ZBTB7C: variants seen among roughly 807,000 people sequenced by gnomAD.
ZBTB7C encodes the protein zinc finger and BTB domain containing 7C.
A neutral mutation model predicts 25.7 loss-of-function variants in ZBTB7C; 8 were observed. The observed-to-expected ratio is 0.31, with a 90% CI of 0.18 to 0.56. ZBTB7C has a LOEUF of 0.56. Ranked by LOEUF, ZBTB7C falls within the 20% of genes least tolerant of loss-of-function variation. ZBTB7C has a pLI of 0.91. For synonymous variants in ZBTB7C, 394 were observed against 369.0 expected (o/e 1.07, Z -0.78); for missense variants, 824 against 855.2 (o/e 0.96, Z 0.46).
intron 3 of ZBTB7C, among the ~76,000 whole-genome samples, chr18:48,081,960 C>T (rs1598843745): frequency 1.7e-5 from 2 of 117,596 alleles, no homozygotes; most frequent in South Asian, 5.3e-4. Context: ...AAATATATTG[C>T]AAAAATTAAT....
chr18:48,057,011 C>T (rs1283559684), intron 3 of ZBTB7C, among the ~76,000 whole-genome samples: 1 of 81,156 alleles, frequency 1.2e-5, no homozygotes, highest in Non-Finnish European at 2.3e-5. Flanking sequence ...CATGTGTCAC[C>T]AAATCAGGAA....
At chr18:48,179,073 G>T (rs1259204194) in intron 3 of ZBTB7C, among the ~76,000 whole-genome samples, 1 of 152,206 alleles carries the variant, frequency 6.6e-6, no homozygotes, top group African/African-American at 2.4e-5. Flanking sequence ...TTCCTTGGAT[G>T]CCCTCTGCTG....
At chr18:48,328,658 T>G (rs1334389725) in intron 2 of ZBTB7C, among the ~76,000 whole-genome samples, 1 of 152,094 alleles carries the variant, frequency 6.6e-6, no homozygotes, top group Middle Eastern at 3.2e-3. Flanking sequence ...CACAGTGAGT[T>G]CATGGCAAAG....
chr18:48,124,593 G>A (rs1009962121), intron 3 of ZBTB7C, among the ~76,000 whole-genome samples: 1 of 152,188 alleles, frequency 6.6e-6, no homozygotes, highest in Non-Finnish European at 1.5e-5. Context: ...CAGGGGTTTG[G>A]AGATGGTGGG....
chr18:48,129,465 T>C (rs945533774), intron 3 of ZBTB7C, among the ~76,000 whole-genome samples: 1 of 151,950 alleles, frequency 6.6e-6, no homozygotes, highest in African/African-American at 2.4e-5. Flanking sequence ...AGATCAGACC[T>C]GTTTCCTTTA....
chr18:48,374,809 T>C (rs2047477625), intron 1 of ZBTB7C, among the ~76,000 whole-genome samples: 1 of 152,174 alleles, frequency 6.6e-6, no homozygotes, highest in African/African-American at 2.4e-5. Flanking sequence ...TTTGGAAACA[T>C]GCCTTCCCTG....
chr18:48,134,583 G>C (rs2040090044), intron 3 of ZBTB7C, among the ~76,000 whole-genome samples: 1 of 152,226 alleles, frequency 6.6e-6, no homozygotes, highest in Non-Finnish European at 1.5e-5. Context: ...AGTCCTGTGA[G>C]TGTAGACAAG....
intron 2 of ZBTB7C, among the ~76,000 whole-genome samples, chr18:48,212,434 A>G (rs567565740): frequency 6.6e-6 from 1 of 152,176 alleles, no homozygotes; most frequent in Non-Finnish European, 1.5e-5. Flanking sequence ...GTCCAAACCT[A>G]TAGAATATAC....
At chr18:48,053,189 C>T (rs982019451) in intron 3 of ZBTB7C, among the ~76,000 whole-genome samples, 9 of 152,330 alleles carry the variant, frequency 5.9e-5, no homozygotes, top group African/African-American at 2.2e-4. Context: ...GAGGCAGCTT[C>T]CATGTCTGTC....
intron 1 of ZBTB7C, among the ~76,000 whole-genome samples, chr18:48,358,073 G>A (rs183501153): frequency 2.0e-5 from 3 of 152,298 alleles, no homozygotes; most frequent in East Asian, 1.9e-4. Context: ...GGTAGGGACC[G>A]GATGCAGTAG....
At chr18:48,238,731 C>A (rs1568323254) in intron 2 of ZBTB7C, among the ~76,000 whole-genome samples, 1 of 152,216 alleles carries the variant, frequency 6.6e-6, no homozygotes, top group African/African-American at 2.4e-5. Flanking sequence ...AAACTTCCAG[C>A]TGAACTTTTT....
intron 1 of ZBTB7C, among the ~76,000 whole-genome samples, chr18:48,389,211 TC>T: frequency 4.8e-5 from 6 of 125,822 alleles, no homozygotes; most frequent in African/African-American, 1.6e-4. Flanking sequence ...TCTCTCTCTC[TC>T]TCTCTCTCTC....
At chr18:48,073,059 C>T (rs2037613027) in intron 3 of ZBTB7C, among the ~76,000 whole-genome samples, 1 of 152,208 alleles carries the variant, frequency 6.6e-6, no homozygotes, top group South Asian at 2.1e-4. Flanking sequence ...CTGACAGGAA[C>T]CAATGTGGAA....
rs367738820 is a variant in ZBTB7C at position 48,162,285 on chromosome 18, G to C, written c.-17+23649C>G. Reference sequence around the variant, plus strand: ...CCACGGGGAGCTAAAGGAGGATCCAGCAACAGTGGAGGCAGGGACTCCACC... The same window carrying C: ...CCACGGGGAGCTAAAGGAGGATCCACCAACAGTGGAGGCAGGGACTCCACC... On this transcript the variant is annotated intron_variant, in intron 3 of 4. Coordinates refer to ENST00000590800, the MANE Select transcript of ZBTB7C (RefSeq NM_001318841.2). 408 of 445,622 alleles carry C rather than the reference G, an allele frequency of 9.2e-4. 9 individuals carry two copies. Among genetic ancestry groups the C allele is most frequent in the South Asian group, 6.3e-3 (402 of 64,058 alleles). The allele number at this position is 445,622 out of a possible 1,614,324, so 27.6% of individuals were successfully genotyped here.
At chr18:48,041,579 T>C in intron 3 of ZBTB7C, 1 of 982,236 alleles carries the variant, frequency 1.0e-6, no homozygotes, top group South Asian at 4.7e-5. Context: ...AATCCTCTGA[T>C]TCTGTAACAG....
intron 1 of ZBTB7C, among the ~76,000 whole-genome samples, chr18:48,367,167 C>T (rs2047241022): frequency 1.1e-5 from 1 of 90,412 alleles, no homozygotes; most frequent in Admixed American, 1.1e-4. Flanking sequence ...TGTTCTTCTC[C>T]CCAAGTTTTA....
At chr18:48,170,081 C>A (rs1020891898) in intron 3 of ZBTB7C, among the ~76,000 whole-genome samples, 1 of 152,202 alleles carries the variant, frequency 6.6e-6, no homozygotes, top group Admixed American at 6.5e-5. Context: ...GCACTCCCCA[C>A]AAAGGCCAAC....
intron 2 of ZBTB7C, among the ~76,000 whole-genome samples, chr18:48,197,856 G>A (rs951203235): frequency 2.0e-5 from 3 of 152,148 alleles, no homozygotes; most frequent in Non-Finnish European, 2.9e-5. Context: ...ATAGAGGGAT[G>A]CAGTTCAGTT....
intron 2 of ZBTB7C, among the ~76,000 whole-genome samples, chr18:48,212,567 G>T (rs1000520138): frequency 1.3e-5 from 2 of 152,070 alleles, no homozygotes; most frequent in Admixed American, 6.5e-5. Context: ...CAATAATGTG[G>T]GAGGCTGTGC....
Sources: gnomAD v4.1 joint callset for allele counts (sites outside exome capture counted in the v4.1 genomes callset) on GRCh38, gnomAD v4.1.1 for gene constraint, MANE v1.5 for transcripts, NCBI Gene and HGNC (gene_info 2026-07-23, HGNC 2026-07-21) for gene names.